The following CDKN1C variants were observed in gnomAD, a reference collection of about 807,000 sequenced individuals.
CDKN1C encodes cyclin-dependent kinase inhibitor 1C.
A neutral mutation model predicts 16.5 loss-of-function variants in CDKN1C; 7 were observed. The ratio of observed to expected loss-of-function variants is 0.42; its 90% CI spans 0.24 to 0.80. The LOEUF is 0.80. Among genes scored for constraint, CDKN1C ranks in the 30% least tolerant of loss-of-function variants. CDKN1C has a pLI of 0.26. For missense variants in CDKN1C, 429 were observed against 437.3 expected, an observed-to-expected ratio of 0.98 and a Z score of 0.17; for synonymous variants, 288 against 214.4, an observed-to-expected ratio of 1.34 and a Z score of -3.00.
chr11:2,884,732 C>A lies in CDKN1C; in HGVS notation c.725G>T (p.Gly242Val). 6.6e-7 allele frequency: 1 copy of A among 1,507,260 alleles called. No homozygotes were observed. The highest frequency in any genetic ancestry group is 2.0e-5 in the Admixed American group (1 of 50,376). The allele number at this position is 1,507,260 out of a possible 1,614,324, so 93.4% of individuals were successfully genotyped here. Residue 242 changes from glycine to valine, a missense_variant, in exon 2 of 4, where the codon GGC becomes GTC. Gly to Val is a moderately radical substitution (Grantham distance 109). Coordinates refer to ENST00000440480, the MANE Select transcript of CDKN1C (RefSeq NM_001122630.2). ...GCCGTTGGCGCTGGCGGCCGCGGTGCCGGCCGCGGGACGTCCCGAAATCCC... is the reference window on the plus strand; with the variant it reads ...GCCGTTGGCGCTGGCGGCCGCGGTGACGGCCGCGGGACGTCCCGAAATCCC... ...HSGISGRPAA[G>V]TAAASANGAA...
rs1416211722 is a variant in CDKN1C, at chr11:2,884,682, G to A, written c.775C>T (p.Pro259Ser). Residue 259 changes from proline (P) to serine (S), a missense_variant, in exon 2 of 4, where the codon CCT becomes TCT. Pro to Ser is a moderately conservative substitution (Grantham distance 74). Transcript: ENST00000440480. ...GTGCGGGGCTCACCGGAGATCAGAG[G>A]CCCGGACAGCTTCTTGATCGCCGCG... ...NGAAIKKLSG[P>S]LISDFFAKRK... is the part of the protein sequence containing the mutation. 6 of 1,457,484 alleles carry A rather than the reference G, an allele frequency of 4.1e-6. No individual in the cohort carries two copies. Among genetic ancestry groups the A allele is most frequent in the Non-Finnish European group, 5.4e-6 (6 of 1,105,506 alleles). 90.3% of individuals were successfully genotyped at this position (1,457,484 alleles called of 1,614,324 possible).
At position 2,885,734 on chromosome 11, in the gene CDKN1C, G is replaced by A. The variant is rs573323825; in HGVS notation, c.-111C>T. 1.9e-5 allele frequency: 11 copies of A among 591,580 alleles called. No individual in the cohort carries two copies. Among genetic ancestry groups the A allele is most frequent in the Non-Finnish European group, 2.7e-5 (9 of 332,576 alleles). 36.6% of individuals were successfully genotyped at this position (591,580 alleles called of 1,614,324 possible). The stretch of plus-strand genomic sequence containing the variant: ...CCTGCTGGCTAGCTCGCTCGCTCAG[G>A]CCTGGCCGGCACCCCTCGAGCACAG... On this transcript the variant is annotated 5_prime_UTR_variant, in exon 1 of 4. Coordinates refer to ENST00000440480, the MANE Select transcript of CDKN1C (RefSeq NM_001122630.2).
intron 2 of CDKN1C, 148 bp from the exon 3 acceptor site, chr11:2,884,282 A>C (rs1848893128): frequency 8.8e-6 from 3 of 342,150 alleles, no homozygotes; most frequent in Non-Finnish European, 8.5e-6. Context: ...AGCTTTGTTT[A>C]CGTCGCCGCG....
rs556519658 is a variant in CDKN1C, at chr11:2,885,439, G to A, written c.18C>T (p.Ala6=). 1.3e-6 allele frequency: 2 copies of A among 1,548,022 alleles called. No homozygotes were observed. Among genetic ancestry groups the A allele is most frequent in the African/African-American group, 1.4e-5 (1 of 73,254 alleles). Residue 6 remains alanine (A), a synonymous_variant, in exon 2 of 4, where the codon GCC becomes GCT. Coordinates refer to ENST00000440480, the MANE Select transcript of CDKN1C (RefSeq NM_001122630.2). MERLV[A]RGTFPVLVRT... ...GCACTAGTACTGGGAAGGTCCCACGGGCGACAAGACGCTCCATCGTGGATG... is the reference window on the plus strand; with the variant it reads ...GCACTAGTACTGGGAAGGTCCCACGAGCGACAAGACGCTCCATCGTGGATG...
At chr11:2,884,565 A>C (rs879220376) in intron 2 of CDKN1C, 105 bp downstream of exon 2, 2 of 600,782 alleles carry the variant, frequency 3.3e-6, no homozygotes, top group Non-Finnish European at 4.8e-6. Flanking sequence ...CTTTAATGCC[A>C]CGGGAGGAGG....
At chr11:2,884,256 A>T in intron 2 of CDKN1C, 122 bp from the exon 3 acceptor site, 1 of 551,690 alleles carries the variant, frequency 1.8e-6, no homozygotes, top group Non-Finnish European at 2.4e-6. Flanking sequence ...GCCCGCGCCG[A>T]GGTCCGCGGC....
Position 2,884,935 on chromosome 11 carries a change from A to AGCCGGGGCCGGAGCCGGAGCCGGG in CDKN1C, c.521_522insCCCGGCTCCGGCTCCGGCCCCGGC (p.Ala176_Pro183dup). ...GAGCCGGGGCCGGAGCCGGAGCCGG[A>AGCCGGGGCCGGAGCCGGAGCCGGG]GCCGGGGCCGGGGCCGGGGCCAGGA... On this transcript the variant is annotated inframe_insertion, in exon 2 of 4. Coordinates refer to ENST00000440480, the MANE Select transcript of CDKN1C (RefSeq NM_001122630.2). The AGCCGGGGCCGGAGCCGGAGCCGGG allele has an allele frequency of 1.1e-6, 1 of 900,960 alleles. No homozygotes were observed. Among genetic ancestry groups the AGCCGGGGCCGGAGCCGGAGCCGGG allele is most frequent in the Non-Finnish European group, 1.4e-6 (1 of 728,954 alleles). 55.8% of individuals were successfully genotyped at this position (900,960 alleles called of 1,614,324 possible).
Position 2,884,842 on chromosome 11 carries a change from CGGGGCCGGGGCCGGGGCG to C in CDKN1C, c.597_614del (p.Ala200_Pro205del), listed in dbSNP as rs747360016. Reference sequence around the variant, plus strand: ...CGGCGCTCTCTTGAGGCGCCGCGTCCGGGGCCGGGGCCGGGGCGGGGGCCGGGGCCGGGGCCGGGGCCG... The same window carrying C: ...CGGCGCTCTCTTGAGGCGCCGCGTCCGGGGCCGGGGCCGGGGCCGGGGCCG... On this transcript the variant is annotated inframe_deletion, in exon 2 of 4. Transcript: ENST00000440480. 140 of 1,129,608 alleles carry C rather than the reference CGGGGCCGGGGCCGGGGCG, an allele frequency of 1.2e-4. No homozygotes were observed. The highest frequency in any genetic ancestry group is 2.6e-4 in the East Asian group (6 of 23,502). The allele number at this position is 1,129,608 out of a possible 1,614,324, so 70.0% of individuals were successfully genotyped here.
chr11:2,885,151 C>G lies in CDKN1C; in HGVS notation c.306G>C (p.Val102=), dbSNP rs904430375. ...CCGGCTCGAGGGGCGGGCTGACAGC[C>G]ACCGCGACCGCGACGGGCCGCGGCG... ...LLAPRPVAVA[V]AVSPPLEPAA... is the part of the protein sequence containing the mutation. Residue 102 remains valine (V), a synonymous_variant, in exon 2 of 4, where the codon GTG becomes GTC. Coordinates refer to ENST00000440480, the MANE Select transcript of CDKN1C (RefSeq NM_001122630.2). 3 of 1,521,292 alleles carry G rather than the reference C, an allele frequency of 2.0e-6. No individual in the cohort carries two copies. The highest frequency in any genetic ancestry group is 8.8e-7 in the Non-Finnish European group (1 of 1,140,748). The allele number at this position is 1,521,292 out of a possible 1,614,324, so 94.2% of individuals were successfully genotyped here. A position where few individuals can be genotyped will look rare whatever the true frequency, so the allele number is the denominator to read the frequency against.
In CDKN1C at chr11:2,883,456, T is replaced by C. The variant is rs1848848236; in HGVS notation, c.*465A>G. The C allele has an allele frequency of 5.4e-6, 1 of 184,854 alleles. No homozygotes were observed. The highest frequency in any genetic ancestry group is 1.1e-5 in the Non-Finnish European group (1 of 89,890). 11.5% of individuals were successfully genotyped at this position (184,854 alleles called of 1,614,324 possible). A position where few individuals can be genotyped will look rare whatever the true frequency, so the allele number is the denominator to read the frequency against. On this transcript the variant is annotated 3_prime_UTR_variant, in exon 4 of 4. Transcript: ENST00000440480. ...CGCGATGAAAATAAAGTTACACTTG[T>C]CAATAACCAGATGTGGGAGATGGAG...
intron 2 of CDKN1C, 144 bp from the exon 3 acceptor site, chr11:2,884,278 G>C (rs1848893028): frequency 2.7e-6 from 1 of 373,748 alleles, no homozygotes; most frequent in African/African-American, 2.2e-5. Context: ...GGTCAGCTTT[G>C]TTTACGTCGC....
chr11:2,885,034 C>T lies in CDKN1C; in HGVS notation c.423G>A (p.Pro141=), dbSNP rs878853626. ...CCGGGGCCGGGGCTGGAGCCAGGACCGGGACTGGGGGCGGGGTGGACGCCG... is the reference window on the plus strand; with the variant it reads ...CCGGGGCCGGGGCTGGAGCCAGGACTGGGACTGGGGGCGGGGTGGACGCCG... ...PAPASTPPPV[P]VLAPAPAPAP... The change falls in exon 2 of 4, where the codon CCG becomes CCA. Residue 141 remains proline, a synonymous_variant. Transcript: ENST00000440480. The T allele has an allele frequency of 4.9e-4, 639 of 1,312,894 alleles. No individual in the cohort carries two copies. Among genetic ancestry groups the T allele is most frequent in the Admixed American group, 8.8e-4 (21 of 23,936 alleles). The allele number at this position is 1,312,894 out of a possible 1,614,324, so 81.3% of individuals were successfully genotyped here.
At chr11:2,884,534 G>A (rs2133781490) in intron 2 of CDKN1C, 136 bp downstream of exon 2, 2 of 429,850 alleles carry the variant, frequency 4.7e-6, no homozygotes, top group East Asian at 4.0e-5. Flanking sequence ...GGGCGCAGCC[G>A]CGCCCTGAGC....
At position 2,883,733 on chromosome 11, in the gene CDKN1C, A is replaced by G; in HGVS notation, c.*188T>C. 1 of 1,399,994 alleles carries G rather than the reference A, an allele frequency of 7.1e-7. No individual in the cohort carries two copies. Among genetic ancestry groups the G allele is most frequent in the Non-Finnish European group, 9.3e-7 (1 of 1,072,432 alleles). 86.7% of individuals were successfully genotyped at this position (1,399,994 alleles called of 1,614,324 possible). ...CAGTGTACCTTCTCGTGCAGAATACATTTAGATATAAAAAGACGTTATTAA... is the reference window on the plus strand; with the variant it reads ...CAGTGTACCTTCTCGTGCAGAATACGTTTAGATATAAAAAGACGTTATTAA... On this transcript the variant is annotated 3_prime_UTR_variant, in exon 4 of 4. Coordinates refer to ENST00000440480, the MANE Select transcript of CDKN1C (RefSeq NM_001122630.2).
intron 1 of CDKN1C, 34 bp downstream of exon 1, chr11:2,885,600 C>G: frequency 7.4e-7 from 1 of 1,355,130 alleles, no homozygotes; most frequent in South Asian, 1.3e-5. Context: ...CCCGCGCCGC[C>G]CGACTCTGCG....
chr11:2,885,431 G>T lies in CDKN1C; in HGVS notation c.26C>A (p.Thr9Asn). Residue 9 changes from threonine (T) to asparagine (N), a missense_variant, in exon 2 of 4, where the codon ACC (threonine) becomes AAC (asparagine). Thr to Asn is a moderately conservative substitution (Grantham distance 65). Coordinates refer to ENST00000440480, the MANE Select transcript of CDKN1C (RefSeq NM_001122630.2). MERLVARG[T>N]FPVLVRTSAC... ...GCTGGTGCGCACTAGTACTGGGAAGGTCCCACGGGCGACAAGACGCTCCAT... is the reference window on the plus strand; with the variant it reads ...GCTGGTGCGCACTAGTACTGGGAAGTTCCCACGGGCGACAAGACGCTCCAT... 1 of 1,549,304 alleles carries T rather than the reference G, an allele frequency of 6.5e-7. No individual in the cohort carries two copies. The highest frequency in any genetic ancestry group is 8.7e-7 in the Non-Finnish European group (1 of 1,149,368).
Position 2,885,703 on chromosome 11 carries a change from T to A in CDKN1C, c.-80A>T. On this transcript the variant is annotated 5_prime_UTR_variant, in exon 1 of 4. Coordinates refer to ENST00000440480, the MANE Select transcript of CDKN1C (RefSeq NM_001122630.2). ...TCGTCCGGACGGCAGCCGCGCCCCC[T>A]CGATGCCTGCTGGCTAGCTCGCTCG... The A allele has an allele frequency of 6.5e-6, 4 of 616,796 alleles. No homozygotes were observed. Among genetic ancestry groups the A allele is most frequent in the Non-Finnish European group, 1.1e-5 (4 of 351,472 alleles). 38.2% of individuals were successfully genotyped at this position (616,796 alleles called of 1,614,324 possible).
chr11:2,884,516 G>C (rs891995652), intron 2 of CDKN1C, 154 bp downstream of exon 2: 3 of 380,620 alleles, frequency 7.9e-6, no homozygotes, highest in South Asian at 1.4e-4. Flanking sequence ...GGGCGGGGAG[G>C]GGGGTAAGGG....
chr11:2,884,446 C>T (rs1590148433), intron 2 of CDKN1C: 1 of 293,318 alleles, frequency 3.4e-6, no homozygotes, highest in African/African-American at 2.2e-5. Context: ...CCCGGGGGGT[C>T]GCGGCCGGGA....
Sources: gnomAD v4.1 joint callset for allele counts on GRCh38, gnomAD v4.1.1 for gene constraint, MANE v1.5 for transcripts, NCBI Gene and HGNC (gene_info 2026-07-23, HGNC 2026-07-21) for gene names.